The following NEK10 variants were observed in gnomAD, a reference collection of about 807,000 sequenced individuals.
NEK10 encodes the protein serine/threonine-protein kinase Nek10.
A neutral mutation model predicts 159.8 loss-of-function variants in NEK10; 122 were observed. That is an observed-to-expected ratio of 0.76 (90% CI 0.66 to 0.89). NEK10 has a LOEUF of 0.89. Among genes scored for constraint, NEK10 ranks in the 40% least tolerant of loss-of-function variants. The pLI, the probability that NEK10 is intolerant of heterozygous loss-of-function variation, is 0.00. For missense variants in NEK10, 1,342 were observed against 1,323.1 expected (o/e 1.01, Z -0.22); for synonymous variants, 466 against 457.1 (o/e 1.02, Z -0.25).
chr3:27,212,410 T>C (rs1034462539), intron 23 of NEK10, among the ~76,000 whole-genome samples: 1 of 152,146 alleles, frequency 6.6e-6, no homozygotes. Context: ...ACAAAAGAAA[T>C]GTATTCCTCT....
chr3:27,232,076 A>G (rs1025911323), intron 23 of NEK10, among the ~76,000 whole-genome samples: 1 of 151,974 alleles, frequency 6.6e-6, no homozygotes, highest in Non-Finnish European at 1.5e-5. Context: ...ATATAGATGG[A>G]AAACTTCTCA....
At chr3:27,205,465 A>G (rs1367622242) in intron 23 of NEK10, among the ~76,000 whole-genome samples, 6 of 105,916 alleles carry the variant, frequency 5.7e-5, no homozygotes, top group Non-Finnish European at 1.1e-4. Context: ...CTATACTACA[A>G]GGCTACAGTA....
chr3:27,254,367 T>C (rs1359867771), intron 23 of NEK10, among the ~76,000 whole-genome samples: 1 of 152,194 alleles, frequency 6.6e-6, no homozygotes, highest in African/African-American at 2.4e-5. Context: ...CTGTACTGGC[T>C]GCTTTCCCTC....
intron 23 of NEK10, chr3:27,214,762 C>T (rs1357480293): frequency 1.3e-6 from 1 of 782,024 alleles, no homozygotes; most frequent in Non-Finnish European, 2.3e-6. Context: ...TTTCTCTTGT[C>T]CTCCCACTGG....
At chr3:27,368,759 A>G (rs544444247) in intron 1 of NEK10, among the ~76,000 whole-genome samples, 1 of 152,208 alleles carries the variant, frequency 6.6e-6, no homozygotes, top group South Asian at 2.1e-4. Context: ...AATCATCGTC[A>G]GATAGATGGT....
At chr3:27,130,381 C>T (rs114177073) in intron 32 of NEK10, among the ~76,000 whole-genome samples, 300 of 152,182 alleles carry the variant, frequency 2.0e-3, no homozygotes, top group African/African-American at 6.9e-3. Context: ...AGAGATGCTG[C>T]CACAATACAC....
intron 2 of NEK10, 76 bp downstream of exon 2, chr3:27,352,736 T>C: frequency 9.7e-7 from 1 of 1,026,000 alleles, no homozygotes; most frequent in Non-Finnish European, 1.5e-6. Flanking sequence ...TCTTCTCTAT[T>C]TCTCAAAAAG....
intron 17 of NEK10, 28 bp downstream of exon 17, chr3:27,291,456 G>C: frequency 1.3e-6 from 2 of 1,599,646 alleles, no homozygotes; most frequent in Non-Finnish European, 1.7e-6. Flanking sequence ...ATAGCAGCCT[G>C]CCAAAATATT....
intron 25 of NEK10, among the ~76,000 whole-genome samples, chr3:27,198,613 C>A (rs1311019615): frequency 6.6e-6 from 1 of 151,942 alleles, no homozygotes; most frequent in African/African-American, 2.4e-5. Context: ...AACTCCTTTA[C>A]AAAAATCTGA....
chr3:27,151,527 C>T (rs927085180), intron 30 of NEK10, among the ~76,000 whole-genome samples: 1 of 152,166 alleles, frequency 6.6e-6, no homozygotes, highest in Non-Finnish European at 1.5e-5. Context: ...CCTAGATATT[C>T]CCTCTGACAG....
Position 27,117,686 on chromosome 3 carries a change from G to A in NEK10, c.3191-1559C>T, listed in dbSNP as rs1054131046. Among the ~76,000 whole-genome samples the A allele has an allele frequency of 2.6e-5, 4 of 152,068 alleles. No individual in the cohort carries two copies. In the East Asian group the frequency reaches 7.7e-4, roughly 29 times the overall value. ...TTTTTAATGGGGTTGCTTTTTTCTT[G>A]TAAATTTGTTTAAGTTCCTTGCAGA... is the stretch of plus-strand genomic sequence containing the variant. On this transcript the variant is annotated intron_variant, in intron 33 of 35. Coordinates refer to ENST00000691995, the MANE Select transcript of NEK10 (RefSeq NM_001394966.1).
intron 1 of NEK10, among the ~76,000 whole-genome samples, chr3:27,361,962 T>C (rs7617094): frequency 0.39 from 59,745 of 151,938 alleles, 12,484 homozygotes; most frequent in East Asian, 0.78. Flanking sequence ...GGGTAAAGCA[T>C]ATGAAATTGC....
At chr3:27,121,048 C>A (rs1407072989) in intron 32 of NEK10, among the ~76,000 whole-genome samples, 1 of 152,068 alleles carries the variant, frequency 6.6e-6, no homozygotes, top group Non-Finnish European at 1.5e-5. Context: ...ATAATATATG[C>A]CTACCCTATG....
intron 22 of NEK10, among the ~76,000 whole-genome samples, chr3:27,261,097 T>G (rs1287197234): frequency 6.6e-6 from 1 of 152,230 alleles, no homozygotes; most frequent in African/African-American, 2.4e-5. Flanking sequence ...TTGCGTCTAT[T>G]TGATTCTTCT....
intron 33 of NEK10, among the ~76,000 whole-genome samples, chr3:27,119,103 C>G (rs1940920692): frequency 6.6e-6 from 1 of 152,184 alleles, no homozygotes; most frequent in African/African-American, 2.4e-5. Flanking sequence ...TTCAATTATG[C>G]TGAGCCCCTA....
rs1951492302 is a variant in NEK10 at position 27,216,006 on chromosome 3, A to G, written c.2091-13449T>C. On this transcript the variant is annotated intron_variant, in intron 23 of 35. Transcript: ENST00000691995. Reference sequence around the variant, plus strand: ...CTAACATACGGGATTAAAATTCAACATGAAATTTAGGTGGGGACAAAGATC... The same window carrying G: ...CTAACATACGGGATTAAAATTCAACGTGAAATTTAGGTGGGGACAAAGATC... The G allele has an allele frequency of 8.5e-6, 4 of 470,730 alleles. 1 individual carries two copies. The highest frequency in any genetic ancestry group is 1.5e-5 in the Non-Finnish European group (4 of 264,422). The allele number at this position is 470,730 out of a possible 1,614,324, so 29.2% of individuals were successfully genotyped here.
At chr3:27,183,440 C>T (rs1384404370) in intron 26 of NEK10, among the ~76,000 whole-genome samples, 1 of 148,448 alleles carries the variant, frequency 6.7e-6, no homozygotes, top group Non-Finnish European at 1.5e-5. Flanking sequence ...ATTCTATACA[C>T]AAAATTAAAT....
At chr3:27,143,446 T>G (rs749075563) in intron 30 of NEK10, 2 of 762,156 alleles carry the variant, frequency 2.6e-6, no homozygotes, top group Non-Finnish European at 4.8e-6. Context: ...TGACTCTACC[T>G]TGCCACAAGA....
At chr3:27,227,829 C>CA (rs1256080530) in intron 23 of NEK10, among the ~76,000 whole-genome samples, 1 of 152,184 alleles carries the variant, frequency 6.6e-6, no homozygotes, top group African/African-American at 2.4e-5. Flanking sequence ...TGAGAAGTGC[C>CA]ATAGGCATGG....
Sources: allele counts gnomAD v4.1 joint callset (sites outside exome capture counted in the v4.1 genomes callset), GRCh38; gene constraint gnomAD v4.1.1; transcripts MANE v1.5; gene names NCBI Gene and HGNC (gene_info 2026-07-23, HGNC 2026-07-21).